ICE1: variants seen among roughly 807,000 people sequenced by gnomAD.
The protein encoded by ICE1 is little elongation complex subunit 1.
In ICE1, 64 loss-of-function variants were observed where a neutral mutation model predicts 192.7. The observed-to-expected ratio is 0.33, with a 90% CI of 0.27 to 0.41. The LOEUF (loss-of-function observed/expected upper bound fraction) is 0.41. Ranked by LOEUF, ICE1 falls within the 10% of genes least tolerant of loss-of-function variation. The pLI, the probability that ICE1 is intolerant of heterozygous loss-of-function variation, is 1.00. For synonymous variants in ICE1, 1,010 were observed against 984.5 expected, an observed-to-expected ratio of 1.03 and a Z score of -0.49; for missense variants, 2,708 against 2,696.0, an observed-to-expected ratio of 1.00 and a Z score of -0.10.
intron 1 of ICE1, among the ~76,000 whole-genome samples, chr5:5,427,444 G>C (rs1459160987): frequency 6.6e-6 from 1 of 152,174 alleles, no homozygotes; most frequent in African/African-American, 2.4e-5. Context: ...GCCCATATTT[G>C]CTGACTTCAC....
chr5:5,439,863 A>C, intron 3 of ICE1, 32 bp from the exon 4 acceptor site: 1 of 1,486,664 alleles, frequency 6.7e-7, no homozygotes, highest in African/African-American at 1.4e-5. Flanking sequence ...TCAGAAGATA[A>C]AATTCTCAGA....
At chr5:5,451,368 A>G (rs1371154729) in intron 10 of ICE1, among the ~76,000 whole-genome samples, 1 of 152,186 alleles carries the variant, frequency 6.6e-6, no homozygotes, top group Non-Finnish European at 1.5e-5. Context: ...GAAAAAATTG[A>G]TGAAAATGCA....
At chr5:5,478,986 A>T (rs1304488780) in intron 17 of ICE1, among the ~76,000 whole-genome samples, 1 of 152,248 alleles carries the variant, frequency 6.6e-6, no homozygotes, top group Non-Finnish European at 1.5e-5. Flanking sequence ...ACCCAAAACC[A>T]TAAAAACCCT....
intron 17 of ICE1, among the ~76,000 whole-genome samples, 176 bp from the exon 18 acceptor site, chr5:5,486,541 CTATT>C (rs1431984024): frequency 6.6e-6 from 1 of 152,156 alleles, no homozygotes; most frequent in African/African-American, 2.4e-5. Flanking sequence ...CTTCTAAATT[CTATT>C]TATTCCATTG....
Position 5,436,472 on chromosome 5 carries a change from A to G in ICE1, c.139A>G (p.Thr47Ala), listed in dbSNP as rs914476956. 2 of 1,469,120 alleles carry G rather than the reference A, an allele frequency of 1.4e-6. No individual in the cohort carries two copies. The highest frequency in any genetic ancestry group is 1.8e-6 in the Non-Finnish European group (2 of 1,098,424). 91.0% of individuals were successfully genotyped at this position (1,469,120 alleles called of 1,614,324 possible). ...LITLKQKIIN[T>A]DNLLTEYQKK... ...TACCTTGAAACAAAAAATTATCAAT[A>G]CAGAGTAAGTATATTTGCATGTCGT... The change falls in exon 2 of 19, where the codon ACA becomes GCA. Residue 47 changes from threonine (T) to alanine (A), a missense_variant. By Grantham distance (58) the Thr-to-Ala change is moderately conservative (BLOSUM62 0). Transcript: ENST00000296564.
At chr5:5,485,927 GA>G (rs1739627862) in intron 17 of ICE1, among the ~76,000 whole-genome samples, 1 of 152,110 alleles carries the variant, frequency 6.6e-6, no homozygotes, top group Non-Finnish European at 1.5e-5. Context: ...GTTTATTGTT[GA>G]AAAAAATCTG....
At chr5:5,466,004 A>G (rs1382123221) in intron 13 of ICE1, among the ~76,000 whole-genome samples, 1 of 152,246 alleles carries the variant, frequency 6.6e-6, no homozygotes, top group Admixed American at 6.5e-5. Flanking sequence ...CACAGATTAC[A>G]TAAGGCAAAA....
Position 5,447,727 on chromosome 5 carries a change from C to T in ICE1, c.514C>T (p.Leu172Phe), listed in dbSNP as rs1183401373. 1.3e-6 allele frequency: 2 copies of T among 1,581,822 alleles called. No homozygotes were observed. The highest frequency in any genetic ancestry group is 3.6e-5 in the Admixed American group (2 of 55,858). Residue 172 changes from leucine to phenylalanine, a missense_variant, in exon 9 of 19, where the codon CTT (leucine) becomes TTT (phenylalanine). Leu to Phe is a conservative substitution (Grantham distance 22, BLOSUM62 0). Coordinates refer to ENST00000296564, the MANE Select transcript of ICE1 (RefSeq NM_015325.3). ...TAATATTTTGTTTTCACAGGAAAGG[C>T]TTGACGAATTTTCTAAACAGAAAAA... ...EKEFKKTQERLDEFSKQKNEK... is the reference protein window; with the variant it reads ...EKEFKKTQERFDEFSKQKNEK...
chr5:5,453,088 A>G (rs539135379), intron 10 of ICE1, among the ~76,000 whole-genome samples: 7 of 152,306 alleles, frequency 4.6e-5, no homozygotes, highest in Non-Finnish European at 8.8e-5. Flanking sequence ...TAAGAATGGA[A>G]AAGTAACTTT....
chr5:5,475,199 C>G (rs1220987338), intron 16 of ICE1, among the ~76,000 whole-genome samples: 2 of 152,142 alleles, frequency 1.3e-5, no homozygotes, highest in African/African-American at 4.8e-5. Flanking sequence ...GTGATGAAGA[C>G]ATCATCAAAC....
chr5:5,447,715 T>G lies in ICE1; in HGVS notation c.508-6T>G. ...CATAAACACTATTAATATTTTGTTT[T>G]CACAGGAAAGGCTTGACGAATTTTC... On this transcript the variant is annotated splice_polypyrimidine_tract_variant and splice_region_variant and intron_variant, in intron 8 of 18. Coordinates refer to ENST00000296564, the MANE Select transcript of ICE1 (RefSeq NM_015325.3). 1 of 1,575,522 alleles carries G rather than the reference T, an allele frequency of 6.3e-7. No individual in the cohort carries two copies.
Position 5,460,992 on chromosome 5 carries a change from C to A in ICE1, c.1658C>A (p.Ser553Tyr). 1 of 1,614,034 alleles carries A rather than the reference C, an allele frequency of 6.2e-7. No homozygotes were observed. Among genetic ancestry groups the A allele is most frequent in the Non-Finnish European group, 8.5e-7 (1 of 1,179,906 alleles). ...LMESEGKTVLSKMMGSPKSEF... is the reference protein window; with the variant it reads ...LMESEGKTVLYKMMGSPKSEF... ...GAATCTGAAGGAAAAACCGTATTGT[C>A]TAAAATGATGGGATCGCCCAAATCA... Residue 553 changes from serine to tyrosine, a missense_variant, in exon 13 of 19, where the codon TCT becomes TAT. Transcript: ENST00000296564.
Position 5,476,012 on chromosome 5 carries a change from C to G in ICE1, c.6453C>G (p.Tyr2151Ter). The G allele has an allele frequency of 6.2e-7, 1 of 1,611,542 alleles. No homozygotes were observed. The highest frequency in any genetic ancestry group is 2.2e-5 in the East Asian group (1 of 44,774). Residue 2151 changes from tyrosine (Y) to a stop codon, truncating the protein, a stop_gained, in exon 17 of 19, where the codon TAC becomes TAG. Coordinates refer to ENST00000296564, the MANE Select transcript of ICE1 (RefSeq NM_015325.3). LOFTEE classifies it high-confidence loss of function. ...LWPVMDKWIK[Y>*]RKGHANIAYT... ...CTGTGATGGATAAATGGATAAAATA[C>G]AGAAAAGGACATGCAAACATTGCGT...
At position 5,489,787 on chromosome 5, in the gene ICE1, A is replaced by C. The variant is rs747515; in HGVS notation, c.*457A>C. 1,856 of 152,774 alleles carry C rather than the reference A, an allele frequency of 0.012. 86 individuals are homozygous for C. The East Asian group carries it at 0.15, about 13-fold the overall frequency. The allele number at this position is 152,774 out of a possible 1,614,324, so 9.5% of individuals were successfully genotyped here. ...TGGCAAAAACCTAGAGTTTTCTGCT[A>C]TCTTTGCTGGAAATGAGTTGCAAAA... On this transcript the variant is annotated 3_prime_UTR_variant, in exon 19 of 19. Transcript: ENST00000296564.
At chr5:5,455,726 G>T (rs1738564764) in intron 11 of ICE1, among the ~76,000 whole-genome samples, 1 of 152,082 alleles carries the variant, frequency 6.6e-6, no homozygotes, top group African/African-American at 2.4e-5. Flanking sequence ...TATGAGGATG[G>T]TTACAAAAAT....
intron 17 of ICE1, among the ~76,000 whole-genome samples, chr5:5,478,065 A>G (rs1739369967): frequency 6.6e-6 from 1 of 152,230 alleles, no homozygotes; most frequent in Non-Finnish European, 1.5e-5. Context: ...AAACTGGCAC[A>G]AGGCAAGGAT....
At chr5:5,443,295 AC>A (rs1242736357) in intron 6 of ICE1, 51 bp downstream of exon 6, 2 of 1,004,824 alleles carry the variant, frequency 2.0e-6, no homozygotes, top group East Asian at 2.9e-5. Flanking sequence ...TTTTGAAAAT[AC>A]GTAATTCTTA....
chr5:5,455,611 TA>T (rs1406268590), intron 11 of ICE1, among the ~76,000 whole-genome samples: 2 of 152,218 alleles, frequency 1.3e-5, no homozygotes, highest in African/African-American at 4.8e-5. Context: ...TTTTGAGGGG[TA>T]AATATATTAC....
At chr5:5,455,495 A>G (rs778916242) in intron 11 of ICE1, among the ~76,000 whole-genome samples, 2 of 152,182 alleles carry the variant, frequency 1.3e-5, no homozygotes, top group African/African-American at 2.4e-5. Context: ...TTGGCCTTCT[A>G]TATCAATCAG....
Sources: gnomAD v4.1 joint callset for allele counts (sites outside exome capture counted in the v4.1 genomes callset) on GRCh38, gnomAD v4.1.1 for gene constraint, MANE v1.5 for transcripts, NCBI Gene and HGNC (gene_info 2026-07-23, HGNC 2026-07-21) for gene names.